Variants in SLC25A28 observed in about 807,000 individuals in gnomAD.
The protein encoded by SLC25A28 is solute carrier family 25 member 28, also known as mitoferrin-2.
In SLC25A28, 10 loss-of-function variants were observed where a neutral mutation model predicts 31.9. The observed-to-expected ratio is 0.31, with a 90% CI of 0.19 to 0.53. The LOEUF (loss-of-function observed/expected upper bound fraction) is 0.53. Ranked by LOEUF, SLC25A28 falls within the 20% of genes least tolerant of loss-of-function variation. SLC25A28 has a pLI of 0.95. For synonymous variants in SLC25A28, 208 were observed against 203.6 expected (o/e 1.02, Z -0.19); for missense variants, 256 against 490.3 (o/e 0.52, Z 4.51).
chr10:99,646,179 A>G, the SLC25A28 span, among the ~76,000 whole-genome samples: 1 of 152,198 alleles, frequency 6.6e-6, no homozygotes, highest in African/African-American at 2.4e-5. Context: ...AGAGGCAGGA[A>G]GGCCTCCTTG....
chr10:99,637,075 C>A, the SLC25A28 span, among the ~76,000 whole-genome samples: 1 of 152,114 alleles, frequency 6.6e-6, no homozygotes, highest in African/African-American at 2.4e-5. Flanking sequence ...AACAACATAT[C>A]AAAAAGATAA....
At chr10:99,639,968 A>C in the SLC25A28 span, among the ~76,000 whole-genome samples, 3 of 152,180 alleles carry the variant, frequency 2.0e-5, no homozygotes, top group Non-Finnish European at 4.4e-5. Context: ...AGTACAAAAA[A>C]AGAAAAAAAC....
Position 99,611,498 on chromosome 10 carries a change from T to C in SLC25A28, c.578-132A>G, listed in dbSNP as rs893573132. On this transcript the variant is annotated intron_variant, in intron 3 of 3. Coordinates refer to ENST00000370495, the MANE Select transcript of SLC25A28 (RefSeq NM_031212.4). The surrounding 1 kb of genome is among the most constrained non-coding windows in gnomAD (Gnocchi z 5.5). ...AGAGAAAAAAGTATGAGTGAGCTGC[T>C]GGCTAACCTGAGAAGTCAGCTTCCC... 3 of 1,137,898 alleles carry C rather than the reference T, an allele frequency of 2.6e-6. No individual in the cohort carries two copies. Among genetic ancestry groups the C allele is most frequent in the African/African-American group, 3.1e-5 (2 of 64,276 alleles). 70.5% of individuals were successfully genotyped at this position (1,137,898 alleles called of 1,614,324 possible).
chr10:99,616,893 G>A (rs1406742096), intron 1 of SLC25A28: 21 of 932,462 alleles, frequency 2.3e-5, no homozygotes, highest in Non-Finnish European at 2.7e-5. Flanking sequence ...ATGAATAAAT[G>A]TATGTAAGGT....
the SLC25A28 span, among the ~76,000 whole-genome samples, chr10:99,639,394 A>G: frequency 6.6e-6 from 1 of 152,182 alleles, no homozygotes; most frequent in South Asian, 2.1e-4. Context: ...TGTATATTGC[A>G]TGGGTGATGG....
chr10:99,643,506 T>C, the SLC25A28 span, among the ~76,000 whole-genome samples: 2 of 152,206 alleles, frequency 1.3e-5, no homozygotes, highest in Non-Finnish European at 2.9e-5. Context: ...GTTGATCTTT[T>C]CAAAAAACCA....
the SLC25A28 span, among the ~76,000 whole-genome samples, chr10:99,637,534 C>A: frequency 6.6e-6 from 1 of 152,122 alleles, no homozygotes; most frequent in Non-Finnish European, 1.5e-5. Flanking sequence ...ACCTTGAAAA[C>A]CCTAAAGACT....
At chr10:99,631,896 T>A in the SLC25A28 span, among the ~76,000 whole-genome samples, 198 of 114,706 alleles carry the variant, frequency 1.7e-3, 3 homozygotes, top group African/African-American at 6.1e-3. Flanking sequence ...TTTTTATTTT[T>A]TTTTTTTTTT....
chr10:99,618,454 T>C (rs2034707030), intron 1 of SLC25A28: 1 of 985,360 alleles, frequency 1.0e-6, no homozygotes, highest in Non-Finnish European at 1.2e-6. Context: ...CTAGGGAGGT[T>C]ACTCTGCAGC....
At chr10:99,622,707 T>C, upstream of SLC25A28, 1 of 985,408 alleles carries the variant, frequency 1.0e-6, no homozygotes, top group Non-Finnish European at 1.2e-6. Context: ...TCTCTAGCCA[T>C]TGAAGTGGAA....
At chr10:99,617,138 C>T in intron 1 of SLC25A28, 1 of 985,388 alleles carries the variant, frequency 1.0e-6, no homozygotes. Flanking sequence ...TAGGTGGGTA[C>T]TTCGCCAGAG....
chr10:99,631,881 TTTTTTTTTTA>T, the SLC25A28 span, among the ~76,000 whole-genome samples: 255 of 94,580 alleles, frequency 2.7e-3, 12 homozygotes, highest in South Asian at 0.022. Flanking sequence ...GTATGTTATT[TTTTTTTTTTA>T]TTTTTTTTTT....
At chr10:99,624,028 C>T (rs2034836493), upstream of SLC25A28, among the ~76,000 whole-genome samples, 1 of 150,452 alleles carries the variant, frequency 6.6e-6, no homozygotes, top group Non-Finnish European at 1.5e-5. Context: ...TAAGATTCTT[C>T]CTTCCCTCTC....
At chr10:99,653,044 T>C in the SLC25A28 span, among the ~76,000 whole-genome samples, 1 of 152,340 alleles carries the variant, frequency 6.6e-6, no homozygotes, top group Admixed American at 6.5e-5. Flanking sequence ...ACCAAACTCA[T>C]TTTAAGGACT....
chr10:99,649,730 A>G, the SLC25A28 span, among the ~76,000 whole-genome samples: 1 of 152,140 alleles, frequency 6.6e-6, no homozygotes, highest in African/African-American at 2.4e-5. Context: ...TCTTCTAGGT[A>G]TTCTAGTTTC....
At chr10:99,629,050 T>C in the SLC25A28 span, among the ~76,000 whole-genome samples, 1 of 152,172 alleles carries the variant, frequency 6.6e-6, no homozygotes, top group African/African-American at 2.4e-5. Context: ...AATTTGGATG[T>C]CTGTCCCCTC....
the SLC25A28 span, among the ~76,000 whole-genome samples, chr10:99,648,546 G>A: frequency 1.3e-4 from 20 of 152,118 alleles, no homozygotes; most frequent in South Asian, 1.9e-3. Context: ...TGGGGACTAT[G>A]GTCATTTTAA....
the SLC25A28 span, among the ~76,000 whole-genome samples, chr10:99,636,146 T>C: frequency 1.3e-5 from 2 of 152,300 alleles, no homozygotes; most frequent in East Asian, 3.9e-4. Flanking sequence ...TACAGAACAT[T>C]TCATCCAGCA....
chr10:99,622,906 G>C (rs925615913), upstream of SLC25A28, among the ~76,000 whole-genome samples: 1 of 152,100 alleles, frequency 6.6e-6, no homozygotes, highest in Non-Finnish European at 1.5e-5. Flanking sequence ...GGGGATACAG[G>C]ACAGACATAG....
Sources: gnomAD v4.1 joint callset for allele counts (sites outside exome capture counted in the v4.1 genomes callset) on GRCh38, gnomAD v4.1.1 for gene constraint, Gnocchi (gnomAD v3.1) non-coding constraint, MANE v1.5 for transcripts, NCBI Gene and HGNC (gene_info 2026-07-23, HGNC 2026-07-21) for gene names.